The following CCDC30 variants were observed in gnomAD, a reference collection of about 807,000 sequenced individuals.
CCDC30 encodes the protein coiled-coil domain containing 30, also known as coiled-coil domain-containing protein 30.
In CCDC30, 70 loss-of-function variants were observed where a neutral mutation model predicts 100.2. The observed-to-expected ratio is 0.70, with a 90% CI of 0.58 to 0.85. The LOEUF is 0.85. CCDC30 is among the 40% of genes least tolerant of loss of function. CCDC30 has a pLI of 0.00. For missense variants in CCDC30, 652 were observed against 771.2 expected (o/e 0.85, Z 1.83); for synonymous variants, 233 against 269.5 (o/e 0.86, Z 1.33).
At chr1:42,562,658 G>T (rs1645516356) in intron 6 of CCDC30, among the ~76,000 whole-genome samples, 1 of 152,184 alleles carries the variant, frequency 6.6e-6, no homozygotes. Context: ...ACTATCATTA[G>T]AGTGAACAGG....
chr1:42,485,360 A>G (rs963566495), intron 3 of CCDC30, among the ~76,000 whole-genome samples: 2 of 152,230 alleles, frequency 1.3e-5, no homozygotes, highest in African/African-American at 4.8e-5. Context: ...TTACAGTTCA[A>G]AACATACCAT....
chr1:42,545,719 G>A (rs1645115340), intron 6 of CCDC30, 140 bp downstream of exon 9: 2 of 651,986 alleles, frequency 3.1e-6, no homozygotes, highest in East Asian at 3.7e-5. Context: ...GACTGAGGCA[G>A]GCAGATCGCT....
intron 6 of CCDC30, among the ~76,000 whole-genome samples, chr1:42,552,936 G>A (rs1645284026): frequency 6.6e-6 from 1 of 152,016 alleles, no homozygotes; most frequent in South Asian, 2.1e-4. Context: ...TTATTATTCG[G>A]CAGGGATAAA....
intron 10 of CCDC30, among the ~76,000 whole-genome samples, chr1:42,606,540 G>T (rs1354587236): frequency 1.3e-5 from 2 of 152,146 alleles, no homozygotes; most frequent in East Asian, 3.8e-4. Flanking sequence ...GGCCTGCAGC[G>T]AGCTCACATG....
intron 6 of CCDC30, among the ~76,000 whole-genome samples, chr1:42,535,935 A>C (rs1373436119): frequency 6.6e-6 from 1 of 150,604 alleles, no homozygotes; most frequent in African/African-American, 2.4e-5. Flanking sequence ...GTTAGACTTG[A>C]CTTAGAATTC....
At chr1:42,477,006 C>A (rs894603603) in intron 1 of CCDC30, among the ~76,000 whole-genome samples, 9 of 146,672 alleles carry the variant, frequency 6.1e-5, no homozygotes, top group African/African-American at 2.0e-4. Context: ...ACTGAATTTT[C>A]TTCTCATGAT....
At chr1:42,517,141 T>C (rs1325434041) in intron 6 of CCDC30, among the ~76,000 whole-genome samples, 1 of 152,182 alleles carries the variant, frequency 6.6e-6, no homozygotes, top group Non-Finnish European at 1.5e-5. Flanking sequence ...AGGAGTGCAA[T>C]GGTAAGATCA....
intron 12 of CCDC30, among the ~76,000 whole-genome samples, chr1:42,638,294 C>T (rs930079572): frequency 6.6e-6 from 1 of 151,598 alleles, no homozygotes; most frequent in African/African-American, 2.4e-5. Flanking sequence ...TTCAAGGTTA[C>T]AGTGGGCTAT....
intron 1 of CCDC30, among the ~76,000 whole-genome samples, chr1:42,475,737 A>G (rs1350815074): frequency 3.3e-5 from 5 of 152,194 alleles, no homozygotes; most frequent in African/African-American, 9.7e-5. Context: ...TTCAGTGTCT[A>G]TTACAGCACT....
At chr1:42,610,035 T>G (rs1646586891) in intron 10 of CCDC30, among the ~76,000 whole-genome samples, 1 of 152,338 alleles carries the variant, frequency 6.6e-6, no homozygotes, top group East Asian at 1.9e-4. Flanking sequence ...TCTCAGACAA[T>G]GCCTTGTTCC....
chr1:42,587,720 G>C (rs1255354250), intron 9 of CCDC30, among the ~76,000 whole-genome samples: 1 of 152,178 alleles, frequency 6.6e-6, no homozygotes, highest in Non-Finnish European at 1.5e-5. Flanking sequence ...TACTGCCCTA[G>C]CATGCAGGTG....
intron 6 of CCDC30, among the ~76,000 whole-genome samples, chr1:42,546,458 G>GAT (rs35692775): frequency 4.2e-5 from 5 of 117,846 alleles, no homozygotes; most frequent in East Asian, 5.0e-4. Flanking sequence ...CTAATAAAAG[G>GAT]ATATATATAT....
intron 16 of CCDC30, 58 bp downstream of exon 20, chr1:42,653,501 C>G: frequency 1.8e-6 from 2 of 1,107,682 alleles, no homozygotes; most frequent in Non-Finnish European, 2.7e-6. Context: ...GTCAGCCATG[C>G]CTGAGAGTCA....
At chr1:42,624,030 T>C (rs1343277739) in intron 11 of CCDC30, among the ~76,000 whole-genome samples, 1 of 152,198 alleles carries the variant, frequency 6.6e-6, no homozygotes, top group Non-Finnish European at 1.5e-5. Flanking sequence ...CTTTTTCAGA[T>C]TGTTCCCTGT....
chr1:42,629,497 G>A (rs952994625), intron 11 of CCDC30, among the ~76,000 whole-genome samples: 1 of 152,102 alleles, frequency 6.6e-6, no homozygotes, highest in Non-Finnish European at 1.5e-5. Flanking sequence ...ATGTCTTGAG[G>A]TAATCTTTGG....
At chr1:42,492,992 G>C (rs1298725558) in intron 4 of CCDC30, among the ~76,000 whole-genome samples, 3 of 152,032 alleles carry the variant, frequency 2.0e-5, no homozygotes, top group Non-Finnish European at 4.4e-5. Context: ...AAAAAATTAA[G>C]AGAGATATTA....
intron 11 of CCDC30, among the ~76,000 whole-genome samples, chr1:42,622,666 A>G (rs547900091): frequency 1.3e-5 from 2 of 151,934 alleles, no homozygotes; most frequent in African/African-American, 4.8e-5. Flanking sequence ...TTTAGTAGAA[A>G]TGGGGTTTCG....
At chr1:42,642,595 T>C in exon 13 of CCDC30, 1 of 1,595,412 alleles carries the variant, frequency 6.3e-7, no homozygotes. Flanking sequence ...GGACGATATC[T>C]TCCATCCAGA....
intron 15 of CCDC30, among the ~76,000 whole-genome samples, chr1:42,650,401 G>A (rs1648234808): frequency 6.6e-6 from 1 of 151,748 alleles, no homozygotes; most frequent in African/African-American, 2.4e-5. Context: ...CAAGAGGATT[G>A]CTTGAGCCCA....
Sources: gnomAD v4.1 joint callset for allele counts (sites outside exome capture counted in the v4.1 genomes callset) on GRCh38, gnomAD v4.1.1 for gene constraint, MANE v1.5 for transcripts, NCBI Gene and HGNC (gene_info 2026-07-23, HGNC 2026-07-21) for gene names.